The following PPP2R2B variants were observed in gnomAD, a reference collection of about 807,000 sequenced individuals.
PPP2R2B encodes protein phosphatase 2 regulatory subunit Bbeta, also known as serine/threonine-protein phosphatase 2A 55 kDa regulatory subunit B beta isoform.
PPP2R2B carries 5 observed loss-of-function variants against 46.0 expected under a neutral mutation model. The observed-to-expected ratio is 0.11, with a 90% CI of 0.06 to 0.23. PPP2R2B has a LOEUF of 0.23. PPP2R2B is among the 10% of genes least tolerant of loss of function. The pLI is 1.00. For synonymous variants in PPP2R2B, 215 were observed against 206.7 expected (o/e 1.04, Z -0.34); for missense variants, 367 against 575.0 (o/e 0.64, Z 3.70).
chr5:146,833,645 T>C (rs925321121), intron 2 of PPP2R2B, among the ~76,000 whole-genome samples: 1 of 152,172 alleles, frequency 6.6e-6, no homozygotes, highest in Non-Finnish European at 1.5e-5. Flanking sequence ...GGCATTTTCA[T>C]ATTAAGCTCT....
intron 1 of PPP2R2B, chr5:146,919,703 T>C (rs2151813340): frequency 6.6e-6 from 1 of 152,296 alleles, no homozygotes; most frequent in East Asian, 1.9e-4. Context: ...CTGGACACAG[T>C]TGGCAAAGAC....
chr5:146,635,941 C>T (rs530998917), intron 7 of PPP2R2B, among the ~76,000 whole-genome samples: 1 of 152,348 alleles, frequency 6.6e-6, no homozygotes, highest in East Asian at 1.9e-4. Context: ...TGACGAATGC[C>T]AACCTTTAAT....
chr5:146,828,673 C>G (rs1296161499), intron 2 of PPP2R2B, among the ~76,000 whole-genome samples: 1 of 152,132 alleles, frequency 6.6e-6, no homozygotes, highest in Non-Finnish European at 1.5e-5. Context: ...CTTTTTCCCC[C>G]CAACACAAAA....
intron 7 of PPP2R2B, among the ~76,000 whole-genome samples, chr5:146,603,229 AC>A (rs1056790975): frequency 6.6e-6 from 1 of 152,198 alleles, no homozygotes; most frequent in African/African-American, 2.4e-5. Flanking sequence ...ATCTCATTCA[AC>A]AAGACTCTTG....
chr5:146,617,816 T>C (rs1015605213), intron 7 of PPP2R2B, among the ~76,000 whole-genome samples: 1 of 151,892 alleles, frequency 6.6e-6, no homozygotes, highest in African/African-American at 2.4e-5. Context: ...TGCCTCAGCC[T>C]CCCCAGTAGC....
At chr5:146,843,257 T>C (rs1418781131) in intron 2 of PPP2R2B, among the ~76,000 whole-genome samples, 1 of 152,202 alleles carries the variant, frequency 6.6e-6, no homozygotes, top group Non-Finnish European at 1.5e-5. Flanking sequence ...TGATTACATC[T>C]TTTTTTCAGT....
intron 2 of PPP2R2B, among the ~76,000 whole-genome samples, chr5:146,821,877 T>A (rs1303877512): frequency 6.6e-6 from 1 of 152,150 alleles, no homozygotes; most frequent in African/African-American, 2.4e-5. Flanking sequence ...TAAATTCCCA[T>A]TTATGCAAAG....
intron 1 of PPP2R2B, among the ~76,000 whole-genome samples, chr5:146,983,176 A>AATTT (rs1753254155): frequency 3.7e-5 from 3 of 80,856 alleles, no homozygotes; most frequent in Non-Finnish European, 6.6e-5. Flanking sequence ...TTTCCAGAGC[A>AATTT]TTTTTTTTTT....
chr5:147,029,168 A>C (rs1353152957), intron 1 of PPP2R2B, among the ~76,000 whole-genome samples: 1 of 152,152 alleles, frequency 6.6e-6, no homozygotes, highest in African/African-American at 2.4e-5. Flanking sequence ...CTAATTTATC[A>C]ATATTTCCTT....
In PPP2R2B at chr5:146,641,102, A is replaced by G. The variant is rs117379088; in HGVS notation, c.626-2687T>C. Among the ~76,000 whole-genome samples, 978 of 152,330 alleles carry G rather than the reference A, an allele frequency of 6.4e-3. 21 individuals carry two copies. Among genetic ancestry groups the G allele is most frequent in the Admixed American group, 0.042 (639 of 15,306 alleles). On this transcript the variant is annotated intron_variant, in intron 6 of 9. Transcript: ENST00000394411. ...ATATGGCCAGTTGCTAATGCTGATC[A>G]GGGGCCAGGCCTGCCCTGTGCTAAC...
chr5:146,594,054 A>G (rs953671168), intron 8 of PPP2R2B, among the ~76,000 whole-genome samples: 2 of 152,156 alleles, frequency 1.3e-5, no homozygotes, highest in African/African-American at 2.4e-5. Flanking sequence ...GGAGTCAAAG[A>G]TGACTCCCTG....
intron 2 of PPP2R2B, among the ~76,000 whole-genome samples, chr5:146,786,902 TAAC>T (rs534158089): frequency 1.5e-4 from 23 of 152,346 alleles, no homozygotes; most frequent in Non-Finnish European, 2.2e-4. Flanking sequence ...ATAACGAAGC[TAAC>T]AACAACTCTT....
chr5:146,585,269 C>CACACATAG lies in PPP2R2B; in HGVS notation c.*4677_*4678insCTATGTGT, dbSNP rs899277316. 106 of 150,364 alleles carry CACACATAG rather than the reference C, an allele frequency of 7.0e-4. 1 individual carries two copies. Among genetic ancestry groups the CACACATAG allele is most frequent in the African/African-American group, 2.6e-3 (104 of 40,302 alleles). 9.3% of individuals were successfully genotyped at this position (150,364 alleles called of 1,614,324 possible). ...TTCCATCTACATGCATACACACACACACACACACACACACACACACACACA... is the reference window on the plus strand; with the variant it reads ...TTCCATCTACATGCATACACACACACACACATAGACACACACACACACACACACACACA... On this transcript the variant is annotated 3_prime_UTR_variant, in exon 10 of 10. Transcript: ENST00000394411.
At chr5:146,653,409 G>T (rs1776108297) in intron 5 of PPP2R2B, among the ~76,000 whole-genome samples, 1 of 152,060 alleles carries the variant, frequency 6.6e-6, no homozygotes, top group Non-Finnish European at 1.5e-5. Context: ...ATTTGAACAG[G>T]GCATCTATTT....
chr5:147,012,316 T>C (rs1368284749), intron 1 of PPP2R2B, among the ~76,000 whole-genome samples: 1 of 152,218 alleles, frequency 6.6e-6, no homozygotes, highest in East Asian at 1.9e-4. Flanking sequence ...GGAGAATGTA[T>C]GTGTTGAGGA....
intron 5 of PPP2R2B, among the ~76,000 whole-genome samples, chr5:146,686,647 G>T (rs916885580): frequency 6.6e-6 from 1 of 152,090 alleles, no homozygotes; most frequent in Non-Finnish European, 1.5e-5. Context: ...TTTTGGGAAG[G>T]TTATGACCAG....
chr5:146,821,092 C>T (rs1422915747), intron 2 of PPP2R2B, among the ~76,000 whole-genome samples: 1 of 152,120 alleles, frequency 6.6e-6, no homozygotes, highest in Non-Finnish European at 1.5e-5. Context: ...CACCACACAT[C>T]ACACACAACA....
chr5:146,940,785 GT>G lies in PPP2R2B; in HGVS notation c.79+114879del, dbSNP rs1023275460. 7.2e-5 allele frequency among the ~76,000 whole-genome samples: 11 copies of G among 152,270 alleles called. No homozygotes were observed. The South Asian group carries it at 2.1e-3, about 29-fold the overall frequency. On this transcript the variant is annotated intron_variant, in intron 1 of 8. Transcript: ENST00000336640. ...CCTCCCCATGCATCCACAGTTGTCT[GT>G]GTTCCACTGAATTCTCTATCATATG...
At position 146,586,478 on chromosome 5, in the gene PPP2R2B, T is replaced by C. The variant is rs1044873109; in HGVS notation, c.*3469A>G. On this transcript the variant is annotated 3_prime_UTR_variant, in exon 10 of 10. Coordinates refer to ENST00000394411, the MANE Select transcript of PPP2R2B (RefSeq NM_181675.4). ...TGTAGGCTTGAAGGGAGGGAAATTA[T>C]GGCTTTTCAAGTCCTTAGAAATTGG... The C allele has an allele frequency of 2.0e-5, 3 of 152,186 alleles. No individual in the cohort carries two copies. Among genetic ancestry groups the C allele is most frequent in the African/African-American group, 7.2e-5 (3 of 41,446 alleles). 9.4% of individuals were successfully genotyped at this position (152,186 alleles called of 1,614,324 possible). A position where few individuals can be genotyped will look rare whatever the true frequency, so the allele number is the denominator to read the frequency against.
Sources: gnomAD v4.1 joint callset for allele counts (sites outside exome capture counted in the v4.1 genomes callset) on GRCh38, gnomAD v4.1.1 for gene constraint, MANE v1.5 for transcripts, NCBI Gene and HGNC (gene_info 2026-07-23, HGNC 2026-07-21) for gene names.